The following ARID1B variants were observed in gnomAD, a reference collection of about 807,000 sequenced individuals.
ARID1B encodes the protein AT-rich interactive domain-containing protein 1B.
In ARID1B, 30 loss-of-function variants were observed where a neutral mutation model predicts 212.3. The ratio of observed to expected loss-of-function variants is 0.14; its 90% CI spans 0.11 to 0.19. The LOEUF (loss-of-function observed/expected upper bound fraction) is 0.19. Ranked by LOEUF, ARID1B falls within the 10% of genes least tolerant of loss-of-function variation. The probability of loss-of-function intolerance (pLI) is 1.00; values close to 1 mark genes in which losing one functional copy is unlikely to be tolerated. For synonymous variants in ARID1B, 1,402 were observed against 1,301.7 expected, an observed-to-expected ratio of 1.08 and a Z score of -1.66; for missense variants, 2,891 against 3,204.0, an observed-to-expected ratio of 0.90 and a Z score of 2.36.
intron 15 of ARID1B, chr6:157,193,999 T>G (rs543109568): frequency 6.6e-6 from 1 of 152,358 alleles, no homozygotes; most frequent in African/African-American, 2.4e-5. Context: ...AGAATGATCA[T>G]TGTCCATCAT....
At chr6:157,022,456 T>TA (rs1780377466) in intron 4 of ARID1B, 1 of 152,230 alleles carries the variant, frequency 6.6e-6, no homozygotes, top group Non-Finnish European at 1.5e-5. Context: ...GTCGGGATAT[T>TA]ACTTTTCATC....
chr6:156,829,134 T>A, intron 1 of ARID1B, 93 bp from the exon 2 acceptor site: 1 of 1,011,884 alleles, frequency 9.9e-7, no homozygotes. Flanking sequence ...TTAAGGATAG[T>A]TGTGTTATTA....
chr6:157,006,367 G>A (rs1330402539), intron 4 of ARID1B, among the ~76,000 whole-genome samples: 2 of 152,006 alleles, frequency 1.3e-5, no homozygotes, highest in African/African-American at 4.8e-5. Context: ...TCCCTCCTGG[G>A]GCAACAAAAT....
At chr6:156,809,695 A>C (rs1450496449) in intron 1 of ARID1B, among the ~76,000 whole-genome samples, 1 of 144,866 alleles carries the variant, frequency 6.9e-6, no homozygotes, top group Admixed American at 7.0e-5. Flanking sequence ...GAGCATGTGA[A>C]GATTTGCCTT....
At chr6:157,205,187 A>G (rs961636279) in intron 19 of ARID1B, 3 of 152,252 alleles carry the variant, frequency 2.0e-5, no homozygotes, top group Non-Finnish European at 2.9e-5. Flanking sequence ...TCAGCACACT[A>G]AAAGCAGTTC....
intron 4 of ARID1B, among the ~76,000 whole-genome samples, chr6:156,966,378 TTTCTTTTC>T (rs1389620920): frequency 1.0e-3 from 102 of 98,536 alleles, no homozygotes; most frequent in African/African-American, 4.1e-3. Flanking sequence ...TAACTTTTCT[TTTCTTTTC>T]TTTTTTTTTT....
intron 15 of ARID1B, among the ~76,000 whole-genome samples, chr6:157,191,805 A>G (rs998227696): frequency 9.9e-5 from 15 of 152,244 alleles, no homozygotes; most frequent in Admixed American, 9.8e-4. Flanking sequence ...TTTTATGGAA[A>G]TACTTACTCT....
At chr6:156,917,651 G>A (rs1426757387) in intron 3 of ARID1B, among the ~76,000 whole-genome samples, 2 of 152,222 alleles carry the variant, frequency 1.3e-5, no homozygotes, top group Non-Finnish European at 2.9e-5. Context: ...AATGAGGTCA[G>A]TTAACAGTCA....
chr6:157,160,005 G>A (rs547278053), intron 8 of ARID1B, among the ~76,000 whole-genome samples: 28 of 152,352 alleles, frequency 1.8e-4, no homozygotes, highest in Admixed American at 1.8e-3. Flanking sequence ...AGGTTTTGGG[G>A]AGTTATTAAC....
intron 1 of ARID1B, among the ~76,000 whole-genome samples, chr6:156,808,614 G>A (rs977151386): frequency 4.6e-5 from 7 of 151,996 alleles, no homozygotes; most frequent in African/African-American, 1.5e-4. Context: ...TTCAGTCTCA[G>A]CTAAAATTGA....
At chr6:157,039,488 G>A (rs1453475060) in intron 4 of ARID1B, among the ~76,000 whole-genome samples, 5 of 151,370 alleles carry the variant, frequency 3.3e-5, no homozygotes, top group South Asian at 2.1e-4. Context: ...CCGCCACCGC[G>A]CCCGGCTAAT....
At chr6:156,883,312 A>G (rs904178809) in intron 2 of ARID1B, among the ~76,000 whole-genome samples, 1 of 152,182 alleles carries the variant, frequency 6.6e-6, no homozygotes, top group African/African-American at 2.4e-5. Flanking sequence ...AAACCTGGCA[A>G]AGAGTTCATT....
chr6:156,854,867 T>C (rs1204382996), intron 2 of ARID1B, among the ~76,000 whole-genome samples: 1 of 152,224 alleles, frequency 6.6e-6, no homozygotes, highest in Non-Finnish European at 1.5e-5. Context: ...AAAACAAAAA[T>C]ATGATCATAA....
intron 11 of ARID1B, among the ~76,000 whole-genome samples, chr6:157,180,381 C>A (rs868145897): frequency 1.0e-3 from 148 of 146,060 alleles, no homozygotes; most frequent in Middle Eastern, 3.5e-3. Flanking sequence ...AAAAAAAAAA[C>A]AAAAAAAAAC....
At chr6:156,954,374 C>CT (rs1393240516) in intron 4 of ARID1B, among the ~76,000 whole-genome samples, 1 of 152,058 alleles carries the variant, frequency 6.6e-6, no homozygotes, top group Non-Finnish European at 1.5e-5. Context: ...GTTGATGTAA[C>CT]TTTCGAAGCA....
At chr6:157,078,691 CT>C (rs1378147738) in intron 4 of ARID1B, among the ~76,000 whole-genome samples, 1 of 152,168 alleles carries the variant, frequency 6.6e-6, no homozygotes, top group Non-Finnish European at 1.5e-5. Context: ...TTGAGAACAG[CT>C]TTTATTTTAG....
At chr6:157,056,236 A>G (rs1290941067) in intron 4 of ARID1B, among the ~76,000 whole-genome samples, 1 of 152,160 alleles carries the variant, frequency 6.6e-6, no homozygotes, top group Non-Finnish European at 1.5e-5. Flanking sequence ...TCCCACAGCT[A>G]CTGATTTCAC....
chr6:157,049,542 G>C (rs1383921611), intron 4 of ARID1B, among the ~76,000 whole-genome samples: 5 of 152,164 alleles, frequency 3.3e-5, no homozygotes, highest in Non-Finnish European at 7.3e-5. Context: ...TTCTTAAGAA[G>C]CCATGTACAT....
intron 1 of ARID1B, among the ~76,000 whole-genome samples, chr6:156,804,070 T>C (rs1231056091): frequency 6.6e-6 from 1 of 152,126 alleles, no homozygotes; most frequent in Non-Finnish European, 1.5e-5. Flanking sequence ...GCATGGTGGC[T>C]CACTCCTGTA....
Sources: gnomAD v4.1 joint callset for allele counts (sites outside exome capture counted in the v4.1 genomes callset) on GRCh38, gnomAD v4.1.1 for gene constraint, MANE v1.5 for transcripts, NCBI Gene and HGNC (gene_info 2026-07-23, HGNC 2026-07-21) for gene names.